Variants in CWC27 observed in about 807,000 individuals in gnomAD.
The protein encoded by CWC27 is spliceosome-associated protein CWC27 homolog.
CWC27 carries 47 observed loss-of-function variants against 63.6 expected under a neutral mutation model. The observed-to-expected ratio is 0.74, with a 90% CI of 0.58 to 0.94. CWC27 has a LOEUF of 0.94. Ranked by LOEUF, CWC27 falls within the 40% of genes least tolerant of loss-of-function variation. The probability of loss-of-function intolerance (pLI) is 0.00; values close to 1 mark genes in which losing one functional copy is unlikely to be tolerated. For synonymous variants in CWC27, 175 were observed against 179.8 expected (o/e 0.97, Z 0.22); for missense variants, 495 against 554.3 (o/e 0.89, Z 1.07).
At chr5:64,842,603 A>G (rs1045152889) in intron 10 of CWC27, among the ~76,000 whole-genome samples, 11 of 115,948 alleles carry the variant, frequency 9.5e-5, no homozygotes, top group Non-Finnish European at 1.5e-4. Flanking sequence ...CTCCCAGCCT[A>G]TTTTTTTTTT....
rs540071377 is a variant in CWC27 at position 64,808,367 on chromosome 5, T to C, written c.938+3981T>C. ...TCCCTGACTCCTTAGTGCAAACCTA[T>C]GTGCACCCTTTTCACACTCCTGTAA... On this transcript the variant is annotated intron_variant, in intron 10 of 13. Transcript: ENST00000381070. 2.3e-5 allele frequency: 23 copies of C among 982,708 alleles called. No individual in the cohort carries two copies. The South Asian group carries it at 9.9e-4, about 42-fold the overall frequency. The allele number at this position is 982,708 out of a possible 1,614,324, so 60.9% of individuals were successfully genotyped here.
rs559277863 is a variant in CWC27, at chr5:64,945,702, C to A, written c.1043-26001C>A. Among the ~76,000 whole-genome samples, 126 of 152,248 alleles carry A rather than the reference C, an allele frequency of 8.3e-4. 4 individuals are homozygous for A. The South Asian group carries it at 0.025, about 30-fold the overall frequency. Reference sequence around the variant, plus strand: ...AGAGCACTAACAGAGCTGATAGGACCTAGATTGCCTGACAGCAACTGTAGT... The same window carrying A: ...AGAGCACTAACAGAGCTGATAGGACATAGATTGCCTGACAGCAACTGTAGT... On this transcript the variant is annotated intron_variant, in intron 11 of 13. Coordinates refer to ENST00000381070, the MANE Select transcript of CWC27 (RefSeq NM_005869.4).
intron 11 of CWC27, among the ~76,000 whole-genome samples, chr5:64,906,679 A>G (rs1406429807): frequency 6.6e-6 from 1 of 151,888 alleles, no homozygotes; most frequent in Non-Finnish European, 1.5e-5. Flanking sequence ...GTTTAATTAG[A>G]TCTCATTTGT....
intron 13 of CWC27, among the ~76,000 whole-genome samples, chr5:64,996,290 G>A (rs1401264781): frequency 1.3e-5 from 2 of 152,032 alleles, no homozygotes; most frequent in Non-Finnish European, 2.9e-5. Flanking sequence ...AAAAACATAT[G>A]TTAATAATCT....
intron 10 of CWC27, among the ~76,000 whole-genome samples, chr5:64,877,311 T>G (rs1254747700): frequency 6.6e-6 from 1 of 151,926 alleles, no homozygotes; most frequent in Non-Finnish European, 1.5e-5. Context: ...AAGCCAAGCA[T>G]AGAAAGACAA....
chr5:64,794,963 C>T (rs190361237), intron 7 of CWC27, among the ~76,000 whole-genome samples: 1 of 152,246 alleles, frequency 6.6e-6, no homozygotes, highest in Non-Finnish European at 1.5e-5. Flanking sequence ...TCAAATTGTG[C>T]CACATTCACA....
chr5:64,890,412 TC>T (rs1747202663), intron 11 of CWC27, among the ~76,000 whole-genome samples: 1 of 152,190 alleles, frequency 6.6e-6, no homozygotes, highest in South Asian at 2.1e-4. Flanking sequence ...ACTAGCTTGG[TC>T]TTAGTTGGTA....
At chr5:65,013,846 A>T (rs1445060086) in intron 13 of CWC27, among the ~76,000 whole-genome samples, 1 of 152,194 alleles carries the variant, frequency 6.6e-6, no homozygotes, top group African/African-American at 2.4e-5. Flanking sequence ...TGTTTATATT[A>T]TATAAGTAAT....
chr5:64,903,381 A>C (rs1386777102), intron 11 of CWC27, among the ~76,000 whole-genome samples: 3 of 152,202 alleles, frequency 2.0e-5, no homozygotes, highest in African/African-American at 7.2e-5. Flanking sequence ...TTGCAAGGAC[A>C]TGGATGAAGC....
intron 13 of CWC27, among the ~76,000 whole-genome samples, chr5:65,010,626 G>A (rs1330442416): frequency 6.6e-6 from 1 of 152,160 alleles, no homozygotes; most frequent in Non-Finnish European, 1.5e-5. Context: ...GAATGGCAAG[G>A]TCTTTTAACC....
chr5:64,859,475 AC>A (rs1746345508), intron 10 of CWC27, among the ~76,000 whole-genome samples: 1 of 152,182 alleles, frequency 6.6e-6, no homozygotes, highest in Non-Finnish European at 1.5e-5. Context: ...AAGCAGCAAA[AC>A]CTGATTAGAA....
chr5:64,837,163 T>C (rs555390706), intron 10 of CWC27, among the ~76,000 whole-genome samples: 7 of 152,230 alleles, frequency 4.6e-5, no homozygotes, highest in Admixed American at 2.0e-4. Flanking sequence ...AATGAGGCTC[T>C]CTCTGCATTT....
chr5:65,012,580 G>A (rs146997178), intron 13 of CWC27, among the ~76,000 whole-genome samples: 22 of 152,320 alleles, frequency 1.4e-4, no homozygotes, highest in Admixed American at 5.9e-4. Context: ...AGTGTCCAGC[G>A]TTGGCAGCAT....
intron 11 of CWC27, among the ~76,000 whole-genome samples, chr5:64,965,878 T>G (rs1290227404): frequency 6.6e-6 from 1 of 152,216 alleles, no homozygotes; most frequent in East Asian, 1.9e-4. Flanking sequence ...GTTATGACTA[T>G]ACATTAAGAA....
chr5:64,896,078 A>G (rs80159494), intron 11 of CWC27, among the ~76,000 whole-genome samples: 4,179 of 152,306 alleles, frequency 0.027, 131 homozygotes, highest in African/African-American at 0.077. Flanking sequence ...TCAGTCCTAG[A>G]TGCATTATGA....
chr5:64,997,267 G>A (rs1046828145), intron 13 of CWC27, among the ~76,000 whole-genome samples: 2 of 152,010 alleles, frequency 1.3e-5, no homozygotes, highest in African/African-American at 4.8e-5. Context: ...TGGGATCTTG[G>A]GCAAATTACA....
intron 13 of CWC27, among the ~76,000 whole-genome samples, chr5:65,006,265 A>G (rs1749838983): frequency 6.6e-6 from 1 of 152,168 alleles, no homozygotes; most frequent in Admixed American, 6.5e-5. Flanking sequence ...TAATTCTGAG[A>G]CCTTTAGTTG....
At chr5:64,887,687 A>G (rs866596794) in intron 11 of CWC27, among the ~76,000 whole-genome samples, 4 of 152,264 alleles carry the variant, frequency 2.6e-5, no homozygotes, top group African/African-American at 9.6e-5. Context: ...CCATAATGCT[A>G]TGTAGTGAGA....
intron 9 of CWC27, among the ~76,000 whole-genome samples, chr5:64,802,830 A>G (rs1159024189): frequency 6.6e-6 from 1 of 152,192 alleles, no homozygotes. Context: ...ATATGGGTCT[A>G]GAAGTTAGGA....
Sources: allele counts gnomAD v4.1 joint callset (sites outside exome capture counted in the v4.1 genomes callset), GRCh38; gene constraint gnomAD v4.1.1; transcripts MANE v1.5; gene names NCBI Gene and HGNC (gene_info 2026-07-23, HGNC 2026-07-21).